Variants in GALNTL6 observed in about 807,000 individuals in gnomAD.
GALNTL6 encodes the protein polypeptide N-acetylgalactosaminyltransferase like 6, also known as polypeptide N-acetylgalactosaminyltransferase-like 6.
In GALNTL6, 46 loss-of-function variants were observed where a neutral mutation model predicts 73.7. The observed-to-expected ratio is 0.62, with a 90% CI of 0.49 to 0.80. GALNTL6 has a LOEUF of 0.80. GALNTL6 is among the 30% of genes least tolerant of loss of function. GALNTL6 has a pLI of 0.00. For missense variants in GALNTL6, 604 were observed against 755.0 expected, an observed-to-expected ratio of 0.80 and a Z score of 2.34; for synonymous variants, 259 against 263.7, an observed-to-expected ratio of 0.98 and a Z score of 0.17.
intron 3 of GALNTL6, among the ~76,000 whole-genome samples, chr4:172,276,945 T>G (rs1738854029): frequency 6.6e-6 from 1 of 152,174 alleles, no homozygotes; most frequent in African/African-American, 2.4e-5. Flanking sequence ...TAGCCTCATC[T>G]TAATTGAGTT....
chr4:172,375,607 A>G (rs964766249), intron 5 of GALNTL6, among the ~76,000 whole-genome samples: 1 of 152,184 alleles, frequency 6.6e-6, no homozygotes, highest in African/African-American at 2.4e-5. Flanking sequence ...AGAACCTGCA[A>G]TGGTCCCTGG....
At chr4:171,989,324 GAGTC>G (rs749707953) in intron 2 of GALNTL6, among the ~76,000 whole-genome samples, 6 of 152,214 alleles carry the variant, frequency 3.9e-5, no homozygotes, top group Non-Finnish European at 7.3e-5. Flanking sequence ...ATCTGGGAAG[GAGTC>G]AGTCAGAGAG....
chr4:172,870,647 A>G (rs1744886570), intron 7 of GALNTL6, among the ~76,000 whole-genome samples: 2 of 152,232 alleles, frequency 1.3e-5, no homozygotes, highest in African/African-American at 4.8e-5. Context: ...AACAGGTTAC[A>G]GGGCAGTGTG....
rs148218422 is a variant in GALNTL6, at chr4:172,514,636, T to C, written c.553+165947T>C. Among the ~76,000 whole-genome samples the C allele has an allele frequency of 7.4e-4, 113 of 152,264 alleles. 1 individual carries two copies. Among genetic ancestry groups the C allele is most frequent in the Non-Finnish European group, 1.4e-3 (97 of 68,020 alleles). ...TGAAAAATTTTCACTCAGTTGAAAT[T>C]ACTACAAAGTTCAGCTGAAAGTTTC... is the stretch of plus-strand genomic sequence containing the variant. On this transcript the variant is annotated intron_variant, in intron 5 of 12. Transcript: ENST00000506823.
intron 2 of GALNTL6, among the ~76,000 whole-genome samples, chr4:171,838,572 T>C (rs1282135329): frequency 6.6e-6 from 1 of 152,208 alleles, no homozygotes; most frequent in Non-Finnish European, 1.5e-5. Flanking sequence ...ATATTCACTG[T>C]ACTTCTTTGC....
intron 5 of GALNTL6, among the ~76,000 whole-genome samples, chr4:172,666,524 A>T (rs36099880): frequency 0.11 from 16,363 of 152,118 alleles, 1,066 homozygotes; most frequent in African/African-American, 0.16. Context: ...CACAAAAAAA[A>T]TTCTGTGAGG....
chr4:172,343,922 C>G (rs1741655147), intron 4 of GALNTL6, among the ~76,000 whole-genome samples: 1 of 152,030 alleles, frequency 6.6e-6, no homozygotes, highest in Non-Finnish European at 1.5e-5. Flanking sequence ...TTTATATAAA[C>G]TGTTACTCAA....
chr4:171,897,771 C>A (rs2110937406), intron 2 of GALNTL6, among the ~76,000 whole-genome samples: 1 of 150,114 alleles, frequency 6.7e-6, no homozygotes, highest in African/African-American at 2.4e-5. Context: ...ACTAAAAATG[C>A]AAAAAAATTA....
intron 5 of GALNTL6, among the ~76,000 whole-genome samples, chr4:172,695,521 T>C (rs1254599422): frequency 6.6e-6 from 1 of 152,234 alleles, no homozygotes; most frequent in Non-Finnish European, 1.5e-5. Context: ...CACTGTGAGT[T>C]CTGCTTTCAT....
intron 2 of GALNTL6, among the ~76,000 whole-genome samples, chr4:172,188,180 G>A (rs1412852887): frequency 6.6e-6 from 1 of 152,136 alleles, no homozygotes; most frequent in Non-Finnish European, 1.5e-5. Flanking sequence ...ATAAAGAACA[G>A]GTTTGACCAT....
chr4:172,488,693 C>G (rs549536889), intron 5 of GALNTL6, among the ~76,000 whole-genome samples: 5 of 152,034 alleles, frequency 3.3e-5, no homozygotes, highest in African/African-American at 1.2e-4. Context: ...ATTATATGAC[C>G]TAGATTCAAT....
intron 5 of GALNTL6, among the ~76,000 whole-genome samples, chr4:172,609,707 G>C (rs1011268759): frequency 6.7e-6 from 1 of 148,516 alleles, no homozygotes; most frequent in Non-Finnish European, 1.5e-5. Flanking sequence ...TGGCCTCATG[G>C]AATAAGTTAA....
intron 5 of GALNTL6, among the ~76,000 whole-genome samples, chr4:172,628,245 T>C (rs1739247297): frequency 6.6e-6 from 1 of 152,158 alleles, no homozygotes; most frequent in African/African-American, 2.4e-5. Flanking sequence ...TATGTACATT[T>C]TCCATTCACT....
chr4:172,623,606 A>G (rs138124375), intron 5 of GALNTL6, among the ~76,000 whole-genome samples: 35 of 152,290 alleles, frequency 2.3e-4, no homozygotes, highest in African/African-American at 6.5e-4. Flanking sequence ...TAGCCAATCA[A>G]TATCCTTCCA....
chr4:171,847,175 G>A (rs1479834832), intron 2 of GALNTL6, among the ~76,000 whole-genome samples: 1 of 151,882 alleles, frequency 6.6e-6, no homozygotes, highest in Non-Finnish European at 1.5e-5. Flanking sequence ...TGCAGATTTG[G>A]TTCCAGAAGA....
intron 2 of GALNTL6, among the ~76,000 whole-genome samples, chr4:172,089,695 T>A (rs765757158): frequency 3.3e-5 from 5 of 152,152 alleles, no homozygotes; most frequent in African/African-American, 4.8e-5. Context: ...AAAATTAATT[T>A]ATTTCTTTAT....
intron 2 of GALNTL6, among the ~76,000 whole-genome samples, chr4:171,854,329 T>A (rs1735619738): frequency 6.6e-6 from 1 of 152,206 alleles, no homozygotes; most frequent in African/African-American, 2.4e-5. Flanking sequence ...CTTCCCAGGT[T>A]GCCTCAAGGG....
At chr4:171,911,314 T>C (rs6821261) in intron 2 of GALNTL6, among the ~76,000 whole-genome samples, 86,059 of 151,932 alleles carry the variant, frequency 0.57, 25,514 homozygotes, top group African/African-American at 0.75. Context: ...CAAGCATCAC[T>C]ACAACCAGCT....
At chr4:173,014,359 G>C (rs1231201895) in intron 11 of GALNTL6, among the ~76,000 whole-genome samples, 4 of 152,228 alleles carry the variant, frequency 2.6e-5, no homozygotes, top group African/African-American at 2.4e-5. Context: ...AGGGAGAGGA[G>C]TGGCGGGGAG....
Sources: allele counts gnomAD v4.1 joint callset (sites outside exome capture counted in the v4.1 genomes callset), GRCh38; gene constraint gnomAD v4.1.1; transcripts MANE v1.5; gene names NCBI Gene and HGNC (gene_info 2026-07-23, HGNC 2026-07-21).